The following SRPK2 variants were observed in gnomAD, a reference collection of about 807,000 sequenced individuals.
The protein encoded by SRPK2 is SFRS protein kinase 2.
A neutral mutation model predicts 90.8 loss-of-function variants in SRPK2; 21 were observed. The observed-to-expected ratio is 0.23, with a 90% confidence interval of 0.16 to 0.33. The LOEUF (loss-of-function observed/expected upper bound fraction) is 0.33, where lower values mean the gene tolerates loss of function less well. Among genes scored for constraint, SRPK2 ranks in the 10% least tolerant of loss-of-function variants. SRPK2 has a pLI of 1.00. For missense variants in SRPK2, 620 were observed against 869.0 expected, an observed-to-expected ratio of 0.71 and a Z score of 3.60; for synonymous variants, 288 against 311.1, an observed-to-expected ratio of 0.93 and a Z score of 0.78.
At chr7:105,157,297 C>A (rs1806646250) in intron 7 of SRPK2, among the ~76,000 whole-genome samples, 1 of 152,100 alleles carries the variant, frequency 6.6e-6, no homozygotes, top group African/African-American at 2.4e-5. Flanking sequence ...ATCCATGACT[C>A]TTAAGAAGAA....
intron 2 of SRPK2, chr7:105,268,827 T>C: frequency 6.2e-7 from 1 of 1,600,214 alleles, no homozygotes; most frequent in Non-Finnish European, 8.6e-7. Context: ...GGACGACTTC[T>C]CAGAGTTAAC....
At chr7:105,369,387 A>G (rs1480887129) in intron 2 of SRPK2, among the ~76,000 whole-genome samples, 1 of 151,936 alleles carries the variant, frequency 6.6e-6, no homozygotes, top group South Asian at 2.1e-4. Flanking sequence ...ACCTCAAGTG[A>G]TTCACCCACC....
At chr7:105,200,973 G>T (rs574013879) in intron 3 of SRPK2, among the ~76,000 whole-genome samples, 2 of 152,304 alleles carry the variant, frequency 1.3e-5, no homozygotes, top group East Asian at 3.9e-4. Flanking sequence ...GATCTTGATG[G>T]TTGTATTTTG....
intron 2 of SRPK2, among the ~76,000 whole-genome samples, chr7:105,229,287 C>A (rs956692894): frequency 2.0e-5 from 3 of 152,084 alleles, no homozygotes; most frequent in Non-Finnish European, 2.9e-5. Flanking sequence ...CACGGTGAAA[C>A]CCCATCTCTA....
At chr7:105,171,385 A>C (rs1481541921) in intron 3 of SRPK2, among the ~76,000 whole-genome samples, 1 of 152,172 alleles carries the variant, frequency 6.6e-6, no homozygotes, top group Non-Finnish European at 1.5e-5. Flanking sequence ...AATTTTTCTA[A>C]AACAATATTT....
At chr7:105,188,270 T>C (rs374807254) in intron 3 of SRPK2, among the ~76,000 whole-genome samples, 1 of 152,196 alleles carries the variant, frequency 6.6e-6, no homozygotes, top group Non-Finnish European at 1.5e-5. Flanking sequence ...TGTGTTTGTT[T>C]ATATGAAAAT....
In SRPK2 at chr7:105,142,057, A is replaced by G; in HGVS notation, c.1494T>C (p.His498=). The change falls in exon 11 of 16, where the codon CAT becomes CAC. Residue 498 remains histidine, a synonymous_variant. Transcript: ENST00000393651. ...LTEQEESSPS[H]DRSRTVSASS... ...AGGCTGAAACCGTTCTGCTTCTGTC[A>G]TGGGATGGACTGCTCTCCTCTTGCT... 1 of 1,614,084 alleles carries G rather than the reference A, an allele frequency of 6.2e-7. No individual in the cohort carries two copies. Among genetic ancestry groups the G allele is most frequent in the East Asian group, 2.2e-5 (1 of 44,882 alleles).
chr7:105,252,989 C>T (rs1477281578), intron 2 of SRPK2, among the ~76,000 whole-genome samples: 1 of 152,038 alleles, frequency 6.6e-6, no homozygotes, highest in East Asian at 1.9e-4. Context: ...GGGATCTGCC[C>T]GCCTCAGCCT....
In SRPK2 at chr7:105,226,967, G is replaced by A. The variant is rs1201837377; in HGVS notation, c.72-23182C>T. On this transcript the variant is annotated intron_variant, in intron 2 of 15. Transcript: ENST00000393651. ...CAAAAATTCCAAATAAAGAGAGAGC[G>A]AGCAGTGATTTCTGTCATCTGCTCA... is the stretch of plus-strand genomic sequence containing the variant. Among the ~76,000 whole-genome samples, 8 of 152,200 alleles carry A rather than the reference G, an allele frequency of 5.3e-5. No individual in the cohort carries two copies. In the East Asian group the frequency reaches 1.4e-3, roughly 26 times the overall value.
rs143168227 is a variant in SRPK2, at chr7:105,135,122, G to A, written c.1544-2018C>T. ...CTAGACATGACTAGATGAATGCCCCGTATGTCATTTAATCAAGAAGAATCA... is the reference window on the plus strand; with the variant it reads ...CTAGACATGACTAGATGAATGCCCCATATGTCATTTAATCAAGAAGAATCA... On this transcript the variant is annotated intron_variant, in intron 11 of 15. Coordinates refer to ENST00000393651, the MANE Select transcript of SRPK2 (RefSeq NM_182692.3). 1.1e-4 allele frequency among the ~76,000 whole-genome samples: 16 copies of A among 152,302 alleles called. No homozygotes were observed. In the East Asian group the frequency reaches 1.5e-3, roughly 15 times the overall value.
intron 2 of SRPK2, chr7:105,245,034 AACAC>A (rs58717493): frequency 0.13 from 68,408 of 520,664 alleles, 2,731 homozygotes; most frequent in East Asian, 0.33. Context: ...AAACAAAACA[AACAC>A]ACACACACAC....
chr7:105,211,242 T>G (rs1365792064), intron 2 of SRPK2, among the ~76,000 whole-genome samples: 1 of 152,074 alleles, frequency 6.6e-6, no homozygotes, highest in East Asian at 1.9e-4. Context: ...CAAAAAGATC[T>G]GATTTTTTTT....
chr7:105,259,456 G>A (rs1803868202), intron 2 of SRPK2, among the ~76,000 whole-genome samples: 1 of 152,100 alleles, frequency 6.6e-6, no homozygotes, highest in South Asian at 2.1e-4. Flanking sequence ...TGGCCACACG[G>A]CCTAAGGTAA....
chr7:105,132,560 T>C (rs1294922052), intron 13 of SRPK2, among the ~76,000 whole-genome samples: 1 of 152,188 alleles, frequency 6.6e-6, no homozygotes, highest in Non-Finnish European at 1.5e-5. Context: ...GAAGAGACCA[T>C]GTCTCTCTCA....
At chr7:105,201,286 C>A (rs1252365063) in intron 3 of SRPK2, among the ~76,000 whole-genome samples, 1 of 152,086 alleles carries the variant, frequency 6.6e-6, no homozygotes, top group East Asian at 1.9e-4. Context: ...AAGTTACTTA[C>A]CAAATTTGGG....
intron 3 of SRPK2, among the ~76,000 whole-genome samples, chr7:105,191,483 G>A (rs188391418): frequency 6.6e-6 from 1 of 152,296 alleles, no homozygotes; most frequent in Non-Finnish European, 1.5e-5. Flanking sequence ...GCTTGAGCCT[G>A]GGAGGTTGTA....
intron 2 of SRPK2, among the ~76,000 whole-genome samples, chr7:105,327,063 G>A (rs1023024814): frequency 8.7e-5 from 8 of 92,084 alleles, no homozygotes; most frequent in Admixed American, 2.5e-4. Context: ...GCAAAACTCC[G>A]TATCAAAAAA....
chr7:105,374,274 C>G (rs1346221758), intron 2 of SRPK2, among the ~76,000 whole-genome samples: 1 of 152,042 alleles, frequency 6.6e-6, no homozygotes, highest in South Asian at 2.1e-4. Flanking sequence ...CAGTCTAAGT[C>G]AAAAAAACCT....
intron 2 of SRPK2, among the ~76,000 whole-genome samples, chr7:105,296,926 A>G (rs773286349): frequency 7.9e-5 from 12 of 152,196 alleles, no homozygotes; most frequent in Admixed American, 7.2e-4. Context: ...TAAAGCTGGA[A>G]AACAAATCCA....
Sources: gnomAD v4.1 joint callset for allele counts (sites outside exome capture counted in the v4.1 genomes callset) on GRCh38, gnomAD v4.1.1 for gene constraint, MANE v1.5 for transcripts, NCBI Gene and HGNC (gene_info 2026-07-23, HGNC 2026-07-21) for gene names.